Variants in GBA2 observed in about 807,000 individuals in gnomAD.
GBA2 encodes glucosylceramidase beta 2.
A neutral mutation model predicts 112.9 loss-of-function variants in GBA2; 79 were observed. The ratio of observed to expected loss-of-function variants is 0.70; its 90% CI spans 0.58 to 0.84. The LOEUF (loss-of-function observed/expected upper bound fraction) is 0.84, where lower values mean the gene tolerates loss of function less well. Ranked by LOEUF, GBA2 falls within the 40% of genes least tolerant of loss-of-function variation. The pLI is 0.00. For missense variants in GBA2, 1,043 were observed against 1,190.0 expected, an observed-to-expected ratio of 0.88 and a Z score of 1.82; for synonymous variants, 403 against 434.3, an observed-to-expected ratio of 0.93 and a Z score of 0.90.
In GBA2 at chr9:35,737,793, GA is replaced by G; in HGVS notation, c.2459del (p.Val820AlafsTer13). ...CCAGCCCGTAGACCACACCCACCCA[GA>G]CTTCATCAGACTGCACACTGGATTT... ...PDKSSVQSDE[V>X]WVGVVYGLAA... On this transcript the variant is annotated frameshift_variant, in exon 16 of 17. Coordinates refer to ENST00000378103, the MANE Select transcript of GBA2 (RefSeq NM_020944.3). LOFTEE classifies it high-confidence loss of function. The surrounding 1 kb of genome is among the most constrained non-coding windows in gnomAD (Gnocchi z 4.1). 6.2e-7 allele frequency: 1 copy of G among 1,614,016 alleles called. No homozygotes were observed.
At chr9:35,747,201 G>A (rs1022388593) in intron 1 of GBA2, among the ~76,000 whole-genome samples, 2 of 152,078 alleles carry the variant, frequency 1.3e-5, no homozygotes, top group Non-Finnish European at 2.9e-5. Context: ...ACAGCTTCAG[G>A]CCTCTATGAC....
Position 35,741,604 on chromosome 9 carries a change from G to T in GBA2, c.786+68C>A. 1 of 1,071,104 alleles carries T rather than the reference G, an allele frequency of 9.3e-7. No homozygotes were observed. The highest frequency in any genetic ancestry group is 1.3e-5 in the South Asian group (1 of 80,000). 66.4% of individuals were successfully genotyped at this position (1,071,104 alleles called of 1,614,324 possible). A position where few individuals can be genotyped will look rare whatever the true frequency, so the allele number is the denominator to read the frequency against. ...TGAGCTACCGCGCCTCGCAGGCCAT[G>T]CAGTTTCTAGCAGAGGCAGGTCCTG... On this transcript the variant is annotated intron_variant, in intron 4 of 16. Transcript: ENST00000378103. This position sits in a 1 kb window ranked among gnomAD's most constrained non-coding sequence, Gnocchi z 4.6.
chr9:35,740,322 T>G lies in GBA2; in HGVS notation c.1170A>C (p.Gly390=). The change falls in exon 7 of 17, where the codon GGA becomes GGC. Residue 390 remains glycine, a synonymous_variant. Coordinates refer to ENST00000378103, the MANE Select transcript of GBA2 (RefSeq NM_020944.3). This position sits in a 1 kb window ranked among gnomAD's most constrained non-coding sequence, Gnocchi z 4.7. ...TPTQKGVGIA[G]AVCVSSKLRP... is the part of the protein sequence containing the mutation. The stretch of plus-strand genomic sequence containing the variant: ...GCAACTTGCTGGAAACACACACAGC[T>G]CCAGCAATGCCTACTCCTTTCTGCG... 3 of 1,613,896 alleles carry G rather than the reference T, an allele frequency of 1.9e-6. No individual in the cohort carries two copies. The highest frequency in any genetic ancestry group is 2.5e-6 in the Non-Finnish European group (3 of 1,179,986).
chr9:35,740,346 C>T lies in GBA2; in HGVS notation c.1146G>A (p.Thr382=), dbSNP rs144060698. ...LDSPTGQSTP[T]QKGVGIAGAV... Reference sequence around the variant, plus strand: ...CTCCAGCAATGCCTACTCCTTTCTGCGTAGGGGTGCTTTGGCCTGAGAGAA... The same window carrying T: ...CTCCAGCAATGCCTACTCCTTTCTGTGTAGGGGTGCTTTGGCCTGAGAGAA... The change falls in exon 7 of 17, where the codon ACG becomes ACA. Residue 382 remains threonine (T), a synonymous_variant. Coordinates refer to ENST00000378103, the MANE Select transcript of GBA2 (RefSeq NM_020944.3). The surrounding 1 kb of genome is among the most constrained non-coding windows in gnomAD (Gnocchi z 4.7). The T allele has an allele frequency of 2.3e-4, 371 of 1,613,154 alleles. 4 individuals carry two copies. In the African/African-American group the frequency reaches 4.2e-3, roughly 18 times the overall value.
intron 1 of GBA2, among the ~76,000 whole-genome samples, chr9:35,747,302 T>G (rs146198078): frequency 6.6e-6 from 1 of 152,124 alleles, no homozygotes; most frequent in Non-Finnish European, 1.5e-5. Context: ...TACTTCTCTA[T>G]GTACACTAGA....
chr9:35,736,892 C>T lies in GBA2; in HGVS notation c.*277G>A, dbSNP rs775952951. 19 of 746,222 alleles carry T rather than the reference C, an allele frequency of 2.5e-5. No individual in the cohort carries two copies. Among genetic ancestry groups the T allele is most frequent in the Non-Finnish European group, 3.9e-5 (18 of 466,776 alleles). 46.2% of individuals were successfully genotyped at this position (746,222 alleles called of 1,614,324 possible). ...GGCTTTCTGGGTCTTTTATTTGTAC[C>T]CATGTGTCTGTCACACCATGAATGT... is the stretch of plus-strand genomic sequence containing the variant. On this transcript the variant is annotated 3_prime_UTR_variant, in exon 17 of 17. Coordinates refer to ENST00000378103, the MANE Select transcript of GBA2 (RefSeq NM_020944.3).
chr9:35,747,602 T>C (rs1290521751), intron 1 of GBA2, among the ~76,000 whole-genome samples: 2 of 152,226 alleles, frequency 1.3e-5, no homozygotes, highest in African/African-American at 2.4e-5. Flanking sequence ...GTGTGTATTG[T>C]GTAGACTGAG....
Position 35,740,905 on chromosome 9 carries a change from C to G in GBA2, c.946G>C (p.Gly316Arg), listed in dbSNP as rs113785628. 6.2e-7 allele frequency: 1 copy of G among 1,613,866 alleles called. No individual in the cohort carries two copies. Among genetic ancestry groups the G allele is most frequent in the Non-Finnish European group, 8.5e-7 (1 of 1,179,890 alleles). Reference sequence around the variant, plus strand: ...AGGAGCAGCCCCCGGACAGTTTCCCCGCTACGCTCCAGACAGAAGGGCTCA... The same window carrying G: ...AGGAGCAGCCCCCGGACAGTTTCCCGGCTACGCTCCAGACAGAAGGGCTCA... ...WNEPFCLERS[G>R]ETVRGLLLHH... The change falls in exon 5 of 17, where the codon GGG becomes CGG. Residue 316 changes from glycine to arginine, a missense_variant. By Grantham distance (125) the Gly-to-Arg change is moderately radical. Transcript: ENST00000378103. The surrounding 1 kb of genome is among the most constrained non-coding windows in gnomAD (Gnocchi z 4.7).
Position 35,744,367 on chromosome 9 carries a change from C to T in GBA2, c.497G>A (p.Trp166Ter), listed in dbSNP as rs1263274510. Residue 166 changes from tryptophan (W) to a stop codon, truncating the protein, a stop_gained, in exon 3 of 17, where the codon TGG (tryptophan) becomes TAG (stop). Coordinates refer to ENST00000378103, the MANE Select transcript of GBA2 (RefSeq NM_020944.3). LOFTEE classifies it high-confidence loss of function. ...CTGCCAACGACAGAACTGGCCTCTC[C>T]AGCCACGGGTAATAGTGCCTCCCCC... ...GIGGGTITRGWRGQFCRWQLN... is the reference protein window; with the variant it reads ...GIGGGTITRG 6.2e-7 allele frequency: 1 copy of T among 1,613,284 alleles called. No individual in the cohort carries two copies. Among genetic ancestry groups the T allele is most frequent in the Non-Finnish European group, 8.5e-7 (1 of 1,179,258 alleles).
Position 35,744,676 on chromosome 9 carries a change from A to T in GBA2, c.390T>A (p.His130Gln). 1 of 1,609,238 alleles carries T rather than the reference A, an allele frequency of 6.2e-7. No homozygotes were observed. The highest frequency in any genetic ancestry group is 8.5e-7 in the Non-Finnish European group (1 of 1,175,566). ...CGATGAAAGGTGTCTTCTTTTCCAC[A>T]TGGGTCTTCCGGTACCACCACTGCA... ...RYLQWWYRKT[H>Q]VEKKTPFIDM... Residue 130 changes from histidine to glutamine, a missense_variant, in exon 2 of 17, where the codon CAT (histidine) becomes CAA (glutamine). Coordinates refer to ENST00000378103, the MANE Select transcript of GBA2 (RefSeq NM_020944.3).
At position 35,741,377 on chromosome 9, in the gene GBA2, C is replaced by T. The variant is rs1442454490; in HGVS notation, c.786+295G>A. ...TGGCGCAATCTCGGCTCACTGCAAG[C>T]TCCGCCTCCCGGGTTCACACCATTA... On this transcript the variant is annotated intron_variant, in intron 4 of 16. Transcript: ENST00000378103. This position sits in a 1 kb window ranked among gnomAD's most constrained non-coding sequence, Gnocchi z 4.6. 3.9e-6 allele frequency: 2 copies of T among 511,732 alleles called. No individual in the cohort carries two copies. The highest frequency in any genetic ancestry group is 7.0e-6 in the Non-Finnish European group (2 of 286,308). The allele number at this position is 511,732 out of a possible 1,614,324, so 31.7% of individuals were successfully genotyped here. A position where few individuals can be genotyped will look rare whatever the true frequency, so the allele number is the denominator to read the frequency against.
rs769470004 is a variant in GBA2 at position 35,748,696 on chromosome 9, G to A, written c.9C>T (p.Thr3=). 1.3e-6 allele frequency: 2 copies of A among 1,556,868 alleles called. No homozygotes were observed. The highest frequency in any genetic ancestry group is 1.7e-6 in the Non-Finnish European group (2 of 1,147,832). MG[T]QDPGNMGTGV... ...CGGTTCCCATGTTCCCTGGATCCTG[G>A]GTCCCCATGACCTCGATGGCGCCAA... is the stretch of plus-strand genomic sequence containing the variant. Residue 3 remains threonine (T), a synonymous_variant, in exon 1 of 17, where the codon ACC becomes ACT. Coordinates refer to ENST00000378103, the MANE Select transcript of GBA2 (RefSeq NM_020944.3).
Position 35,738,525 on chromosome 9 carries a change from C to T in GBA2, c.2054+1G>A. Reference sequence around the variant, plus strand: ...CCTCCTGGAAACCCCTACCCGCTAACCTGGGGCCTGTGGTCACCCATCCAT... The same window carrying T: ...CCTCCTGGAAACCCCTACCCGCTAATCTGGGGCCTGTGGTCACCCATCCAT... On this transcript the variant is annotated splice_donor_variant, in intron 13 of 16. Transcript: ENST00000378103. LOFTEE classifies it high-confidence loss of function. 1 of 1,610,482 alleles carries T rather than the reference C, an allele frequency of 6.2e-7. No individual in the cohort carries two copies. Among genetic ancestry groups the T allele is most frequent in the East Asian group, 2.2e-5 (1 of 44,864 alleles).
intron 10 of GBA2, 78 bp downstream of exon 10, chr9:35,739,237 G>C: frequency 9.1e-7 from 1 of 1,096,766 alleles, no homozygotes; most frequent in South Asian, 1.3e-5. Context: ...AGGGAAAGAA[G>C]AGACAATCTG....
At position 35,740,031 on chromosome 9, in the gene GBA2, A is replaced by T; in HGVS notation, c.1376T>A (p.Ile459Asn). 6.2e-7 allele frequency: 1 copy of T among 1,614,056 alleles called. No homozygotes were observed. Among genetic ancestry groups the T allele is most frequent in the Non-Finnish European group, 8.5e-7 (1 of 1,179,970 alleles). ...CAATACCGGGCTCTGCCAAGCTGAG[A>T]TCCTCTCTTCCCACTCTGCGTATCG... ...LCRYAEWEER[I>N]SAWQSPVLDD... Residue 459 changes from isoleucine to asparagine, a missense_variant, in exon 8 of 17, where the codon ATC becomes AAC. Physicochemically the swap from Ile to Asn is moderately radical, Grantham distance 149. Transcript: ENST00000378103. The surrounding 1 kb of genome is among the most constrained non-coding windows in gnomAD (Gnocchi z 4.7).
In GBA2 at chr9:35,736,932, A is replaced by G. The variant is rs912430042; in HGVS notation, c.*237T>C. ...ACCATGAATGTACCTGGGGAAATCA[A>G]CTGACCTCCCTGAACATTTCACGCA... is the stretch of plus-strand genomic sequence containing the variant. On this transcript the variant is annotated 3_prime_UTR_variant, in exon 17 of 17. Transcript: ENST00000378103. 4 of 749,050 alleles carry G rather than the reference A, an allele frequency of 5.3e-6. No individual in the cohort carries two copies. The highest frequency in any genetic ancestry group is 2.9e-5 in the Admixed American group (1 of 34,248). 46.4% of individuals were successfully genotyped at this position (749,050 alleles called of 1,614,324 possible). A position where few individuals can be genotyped will look rare whatever the true frequency, so the allele number is the denominator to read the frequency against.
At position 35,738,587 on chromosome 9, in the gene GBA2, G is replaced by A; in HGVS notation, c.1993C>T (p.Leu665Phe). 1 of 1,613,896 alleles carries A rather than the reference G, an allele frequency of 6.2e-7. No homozygotes were observed. Among genetic ancestry groups the A allele is most frequent in the Non-Finnish European group, 8.5e-7 (1 of 1,179,782 alleles). The change falls in exon 13 of 17, where the codon CTC becomes TTC. Residue 665 changes from leucine (L) to phenylalanine (F), a missense_variant. Physicochemically the swap from Leu to Phe is conservative, Grantham distance 22. Transcript: ENST00000378103. ...EMKFDKDHDG[L>F]IENGGYADQT... ...TCTGCATAGCCTCCATTTTCAATGA[G>A]TCCATCATGGTCCTTGTCAAACTTC...
At chr9:35,738,009 T>C in intron 15 of GBA2, 28 bp downstream of exon 15, 1 of 1,594,366 alleles carries the variant, frequency 6.3e-7, no homozygotes. Flanking sequence ...CCCATTTTTC[T>C]CTCTGGCTGC....
At position 35,737,515 on chromosome 9, in the gene GBA2, G is replaced by T; in HGVS notation, c.2506-68C>A. The T allele has an allele frequency of 6.3e-7, 1 of 1,575,474 alleles. No homozygotes were observed. The highest frequency in any genetic ancestry group is 1.1e-5 in the South Asian group (1 of 87,154). On this transcript the variant is annotated intron_variant, in intron 16 of 16. Transcript: ENST00000378103. This position sits in a 1 kb window ranked among gnomAD's most constrained non-coding sequence, Gnocchi z 4.1. ...TCTGAAGAGCCACTTCCACTGGATA[G>T]ATGGAGGCAGTAGAGTCTTTGCCTT...
Sources: allele counts gnomAD v4.1 joint callset (sites outside exome capture counted in the v4.1 genomes callset), GRCh38; gene constraint gnomAD v4.1.1; non-coding constraint Gnocchi (gnomAD v3.1); transcripts MANE v1.5; gene names NCBI Gene and HGNC (gene_info 2026-07-23, HGNC 2026-07-21).